PSMA8: variants seen among roughly 807,000 people sequenced by gnomAD.
The protein encoded by PSMA8 is proteasome 20S subunit alpha 8.
In PSMA8, 18 loss-of-function variants were observed where a neutral mutation model predicts 32.4. That is an observed-to-expected ratio of 0.56 (90% CI 0.38 to 0.82). PSMA8 has a LOEUF of 0.82. PSMA8 is among the 40% of genes least tolerant of loss of function. The pLI is 0.00. For synonymous variants in PSMA8, 104 were observed against 98.1 expected, an observed-to-expected ratio of 1.06 and a Z score of -0.36; for missense variants, 298 against 300.7, an observed-to-expected ratio of 0.99 and a Z score of 0.07.
chr18:26,184,824 T>G (rs969763105), intron 6 of PSMA8, among the ~76,000 whole-genome samples: 15 of 142,014 alleles, frequency 1.1e-4, no homozygotes, highest in Admixed American at 8.4e-4. Context: ...CAGTGGCTCA[T>G]GCATGTAATC....
intron 3 of PSMA8, among the ~76,000 whole-genome samples, chr18:26,157,049 T>C (rs1005037088): frequency 6.6e-6 from 1 of 151,224 alleles, no homozygotes; most frequent in Non-Finnish European, 1.5e-5. Context: ...CCTCCCAAAG[T>C]GGTGGGATTA....
chr18:26,165,237 T>C (rs2055168518), intron 4 of PSMA8, among the ~76,000 whole-genome samples: 2 of 152,226 alleles, frequency 1.3e-5, no homozygotes, highest in Admixed American at 1.3e-4. Flanking sequence ...AAGAGGTAGA[T>C]GCTGAAATAG....
intron 3 of PSMA8, 44 bp downstream of exon 3, chr18:26,152,026 T>C: frequency 6.6e-7 from 1 of 1,524,870 alleles, no homozygotes; most frequent in East Asian, 2.3e-5. Context: ...TTCTCCTTTT[T>C]CATCATTATA....
intron 6 of PSMA8, among the ~76,000 whole-genome samples, chr18:26,185,603 G>A (rs187098255): frequency 6.6e-6 from 1 of 150,986 alleles, no homozygotes; most frequent in African/African-American, 2.4e-5. Context: ...AGAAGATTCT[G>A]TTTGCTGGTT....
At chr18:26,149,738 AG>A (rs2055030568) in intron 2 of PSMA8, among the ~76,000 whole-genome samples, 1 of 152,228 alleles carries the variant, frequency 6.6e-6, no homozygotes, top group South Asian at 2.1e-4. Flanking sequence ...TCACATAAAA[AG>A]AATGAAGTAG....
At chr18:26,146,439 T>A (rs2055004089) in intron 2 of PSMA8, among the ~76,000 whole-genome samples, 1 of 152,166 alleles carries the variant, frequency 6.6e-6, no homozygotes, top group African/African-American at 2.4e-5. Context: ...GAAGGAATTA[T>A]CTTTTCACAA....
At chr18:26,170,000 G>A (rs1175057091) in intron 4 of PSMA8, among the ~76,000 whole-genome samples, 1 of 97,728 alleles carries the variant, frequency 1.0e-5, no homozygotes, top group East Asian at 2.8e-4. Context: ...ACAGGGAGCT[G>A]ACAACCAAGG....
In PSMA8 at chr18:26,186,001, G is replaced by A. The variant is rs145240896; in HGVS notation, c.661-6318G>A. Among the ~76,000 whole-genome samples the A allele has an allele frequency of 4.2e-3, 628 of 150,016 alleles. 32 individuals are homozygous for A. The highest frequency in any genetic ancestry group is 0.015 in the African/African-American group (605 of 40,628). On this transcript the variant is annotated intron_variant, in intron 6 of 6. Coordinates refer to ENST00000415576, the MANE Select transcript of PSMA8 (RefSeq NM_001025096.2). ...TCATGCCTGTAATCCCAGCCCTTTGGGAGACCGAGTGGGTGGATCACGAGG... is the reference window on the plus strand; with the variant it reads ...TCATGCCTGTAATCCCAGCCCTTTGAGAGACCGAGTGGGTGGATCACGAGG...
Position 26,169,144 on chromosome 18 carries a change from G to A in PSMA8, c.478-9686G>A, listed in dbSNP as rs2055202169. ...ATACAGGTGTGCGCCACAATGCCCA[G>A]CTAATTTCTGTGTTTTTTGTAGAGA... On this transcript the variant is annotated intron_variant, in intron 4 of 6. Transcript: ENST00000415576. 1.5e-5 allele frequency among the ~76,000 whole-genome samples: 2 copies of A among 131,540 alleles called. 1 individual carries two copies. The highest frequency in any genetic ancestry group is 3.0e-5 in the Non-Finnish European group (2 of 67,206). The allele number at this position is 131,540 out of a possible 152,430, so 86.3% of individuals were successfully genotyped here.
intron 2 of PSMA8, among the ~76,000 whole-genome samples, chr18:26,146,674 G>T (rs1231519862): frequency 1.3e-5 from 2 of 152,082 alleles, no homozygotes; most frequent in African/African-American, 4.8e-5. Context: ...GGGCTGGGAA[G>T]ATCCATTGAA....
chr18:26,172,373 C>A (rs1371597694), intron 4 of PSMA8, among the ~76,000 whole-genome samples: 1 of 152,136 alleles, frequency 6.6e-6, no homozygotes, highest in Non-Finnish European at 1.5e-5. Context: ...GTAGCATAAA[C>A]TAGAAATAGA....
At chr18:26,192,215 T>A in intron 6 of PSMA8, 104 bp from the exon 7 acceptor site, 1 of 1,002,380 alleles carries the variant, frequency 1.0e-6, no homozygotes, top group Non-Finnish European at 1.3e-6. Context: ...TATAAAGTTG[T>A]ACATAGAAAG....
In PSMA8 at chr18:26,192,856, C is replaced by T. The variant is rs2055415330; in HGVS notation, c.*445C>T. On this transcript the variant is annotated 3_prime_UTR_variant, in exon 7 of 7. Transcript: ENST00000415576. ...AAAGAATGACAAAAGCATCCTTATA[C>T]TGATGAGTTCTTAAAATTTTGTCAG... The T allele has an allele frequency of 6.6e-6, 1 of 152,158 alleles. No individual in the cohort carries two copies. The highest frequency in any genetic ancestry group is 2.1e-4 in the South Asian group (1 of 4,832). The allele number at this position is 152,158 out of a possible 1,614,324, so 9.4% of individuals were successfully genotyped here. A position where few individuals can be genotyped will look rare whatever the true frequency, so the allele number is the denominator to read the frequency against.
chr18:26,157,462 G>A (rs1459418915), intron 3 of PSMA8, among the ~76,000 whole-genome samples: 8 of 152,006 alleles, frequency 5.3e-5, no homozygotes, highest in Middle Eastern at 3.4e-3. Context: ...TGGGGCACGA[G>A]TCTCAGTGTG....
intron 4 of PSMA8, among the ~76,000 whole-genome samples, chr18:26,166,145 T>G (rs79591283): frequency 0.042 from 6,435 of 151,950 alleles, 286 homozygotes; most frequent in Admixed American, 0.13. Context: ...AACTGCAACA[T>G]TATGAACTTT....
intron 4 of PSMA8, among the ~76,000 whole-genome samples, chr18:26,168,662 T>C (rs2055198929): frequency 7.8e-6 from 1 of 129,006 alleles, no homozygotes. Flanking sequence ...CCCGAGTAGC[T>C]GGGACTACAG....
In PSMA8 at chr18:26,133,923, C is replaced by G. The variant is rs758288203; in HGVS notation, c.-43C>G. ...GGCGGCTCCCCGCTTGCCTCAGCTGCAGCAGCGGGAAGCTCGGTGGCAAGC... is the reference window on the plus strand; with the variant it reads ...GGCGGCTCCCCGCTTGCCTCAGCTGGAGCAGCGGGAAGCTCGGTGGCAAGC... On this transcript the variant is annotated 5_prime_UTR_variant, in exon 1 of 7. Coordinates refer to ENST00000415576, the MANE Select transcript of PSMA8 (RefSeq NM_001025096.2). The G allele has an allele frequency of 3.9e-6, 6 of 1,526,600 alleles. No homozygotes were observed. Among genetic ancestry groups the G allele is most frequent in the Non-Finnish European group, 5.4e-6 (6 of 1,102,124 alleles). The allele number at this position is 1,526,600 out of a possible 1,614,324, so 94.6% of individuals were successfully genotyped here.
At chr18:26,164,971 G>A (rs1371075317) in intron 4 of PSMA8, among the ~76,000 whole-genome samples, 1 of 152,090 alleles carries the variant, frequency 6.6e-6, no homozygotes, top group Non-Finnish European at 1.5e-5. Flanking sequence ...AGGCTGGAGT[G>A]CAATGGTACC....
chr18:26,139,676 G>T (rs938255392), intron 1 of PSMA8, among the ~76,000 whole-genome samples: 3 of 152,140 alleles, frequency 2.0e-5, no homozygotes, highest in Admixed American at 6.5e-5. Context: ...AGACTAAGCC[G>T]AGGATAGTCT....
Sources: gnomAD v4.1 joint callset for allele counts (sites outside exome capture counted in the v4.1 genomes callset) on GRCh38, gnomAD v4.1.1 for gene constraint, MANE v1.5 for transcripts, NCBI Gene and HGNC (gene_info 2026-07-23, HGNC 2026-07-21) for gene names.